The following GATM variants were observed in gnomAD, a reference collection of about 807,000 sequenced individuals.
The protein encoded by GATM is glycine amidinotransferase.
GATM carries 23 observed loss-of-function variants against 54.2 expected under a neutral mutation model. The ratio of observed to expected loss-of-function variants is 0.42; its 90% CI spans 0.31 to 0.60. GATM has a LOEUF of 0.60. Ranked by LOEUF, GATM falls within the 20% of genes least tolerant of loss-of-function variation. The pLI, the probability that GATM is intolerant of heterozygous loss-of-function variation, is 0.14. For synonymous variants in GATM, 168 were observed against 183.1 expected (o/e 0.92, Z 0.67); for missense variants, 401 against 544.9 (o/e 0.74, Z 2.63).
chr15:45,367,340 CA>C lies in GATM; in HGVS notation c.675+729del, dbSNP rs199666485. Among the ~76,000 whole-genome samples the C allele has an allele frequency of 3.0e-3, 420 of 138,716 alleles. 2 individuals are homozygous for C. The highest frequency in any genetic ancestry group is 7.0e-3 in the South Asian group (31 of 4,440). 91.0% of individuals were successfully genotyped at this position (138,716 alleles called of 152,430 possible). A position where few individuals can be genotyped will look rare whatever the true frequency, so the allele number is the denominator to read the frequency against. On this transcript the variant is annotated intron_variant, in intron 4 of 8. Transcript: ENST00000396659. ...TGGGTGACAGAGCAAGACTCCATCT[CA>C]AAAAAAAAAAAAAAGTGATACAGAG...
At chr15:45,374,030 G>T (rs2486274) in intron 2 of GATM, among the ~76,000 whole-genome samples, 85,264 of 152,146 alleles carry the variant, frequency 0.56, 27,378 homozygotes, top group East Asian at 0.91. Flanking sequence ...AAGTTGTTGT[G>T]TTGTCCTTTA....
At chr15:45,369,562 A>G in intron 2 of GATM, 41 bp from the exon 3 acceptor site, 1 of 1,563,702 alleles carries the variant, frequency 6.4e-7, no homozygotes, top group Non-Finnish European at 8.8e-7. Context: ...TACAGGAGAA[A>G]AATACAGCTC....
upstream of GATM, among the ~76,000 whole-genome samples, chr15:45,380,947 T>C (rs1291328085): frequency 6.6e-6 from 1 of 152,216 alleles, no homozygotes; most frequent in Non-Finnish European, 1.5e-5. Context: ...ACTACAATTA[T>C]ATTTTTTCAT....
intron 8 of GATM, among the ~76,000 whole-genome samples, chr15:45,362,483 T>C (rs964689144): frequency 1.6e-4 from 24 of 152,264 alleles, no homozygotes; most frequent in Non-Finnish European, 3.1e-4. Context: ...CAGATGTACC[T>C]ACCAAATGTT....
Position 45,383,873 on chromosome 15 carries a change from CTAA to C in GATM, c.-318-7057_-318-7055del, listed in dbSNP as rs202085662. Among the ~76,000 whole-genome samples the C allele has an allele frequency of 1.6e-3, 246 of 152,268 alleles. 1 individual carries two copies. Among genetic ancestry groups the C allele is most frequent in the African/African-American group, 5.5e-3 (227 of 41,558 alleles). On this transcript the variant is annotated intron_variant, in intron 3 of 4. Coordinates refer to the GATM transcript ENST00000561148. ...AATTAATTTTAAAATCATTTCTACT[CTAA>C]TAATAATAACTACTATTTACTGAGC...
rs1204672868 is a variant in GATM, at chr15:45,366,364, C to G, written c.813+7G>C. On this transcript the variant is annotated splice_region_variant and intron_variant, in intron 5 of 8. Coordinates refer to ENST00000396659, the MANE Select transcript of GATM (RefSeq NM_001482.3). ...AGTGTGAAATTTCAGAGGCAGCCTGCGTTCACCTGGCTTCTCTGTGCAAAA... is the reference window on the plus strand; with the variant it reads ...AGTGTGAAATTTCAGAGGCAGCCTGGGTTCACCTGGCTTCTCTGTGCAAAA... 6.2e-7 allele frequency: 1 copy of G among 1,613,974 alleles called. No individual in the cohort carries two copies. The highest frequency in any genetic ancestry group is 1.3e-5 in the African/African-American group (1 of 75,042).
rs1360265574 is a variant in GATM at position 45,378,368 on chromosome 15, G to A, written c.69+17C>T. On this transcript the variant is annotated intron_variant, in intron 1 of 8. Transcript: ENST00000396659. ...GTGAGTCACGCGGCCGCCAGACGAG[G>A]CCGGTGGCGCACGCACCCGAGATCC... The A allele has an allele frequency of 3.3e-6, 5 of 1,514,100 alleles. No homozygotes were observed. The highest frequency in any genetic ancestry group is 2.0e-4 in the Middle Eastern group (1 of 5,014). The allele number at this position is 1,514,100 out of a possible 1,614,324, so 93.8% of individuals were successfully genotyped here.
At chr15:45,379,567 G>A (rs913404036), upstream of GATM, 2 of 152,134 alleles carry the variant, frequency 1.3e-5, no homozygotes, top group African/African-American at 4.8e-5. Context: ...ACTACTATAT[G>A]TCTTCCTGAA....
At chr15:45,394,466 A>G (rs1298265927) in intron 3 of GATM, among the ~76,000 whole-genome samples, 1 of 152,240 alleles carries the variant, frequency 6.6e-6, no homozygotes, top group Non-Finnish European at 1.5e-5. Context: ...AATTAAGCCA[A>G]GTGCTAAAAA....
At chr15:45,370,004 T>A (rs1889513727) in intron 2 of GATM, among the ~76,000 whole-genome samples, 2 of 152,136 alleles carry the variant, frequency 1.3e-5, no homozygotes, top group Non-Finnish European at 2.9e-5. Flanking sequence ...CCTCAAGATA[T>A]TTTGTGAAGG....
intron 1 of GATM, chr15:45,401,912 G>C (rs1890019480): frequency 6.5e-6 from 1 of 154,954 alleles, no homozygotes; most frequent in Non-Finnish European, 1.4e-5. Context: ...AGGTCCCAAG[G>C]CTGTATTCTC....
chr15:45,400,507 A>T (rs1358957492), intron 1 of GATM, among the ~76,000 whole-genome samples: 1 of 152,212 alleles, frequency 6.6e-6, no homozygotes, highest in Non-Finnish European at 1.5e-5. Flanking sequence ...AAGTGAAATA[A>T]TATTTCCTGT....
At chr15:45,387,704 G>A (rs1889819299) in intron 3 of GATM, among the ~76,000 whole-genome samples, 1 of 152,070 alleles carries the variant, frequency 6.6e-6, no homozygotes, top group African/African-American at 2.4e-5. Context: ...TTTTCCCTTG[G>A]AATTTGTACC....
chr15:45,402,112 C>G (rs924929651), exon 1 of GATM: 12 of 365,128 alleles, frequency 3.3e-5, no homozygotes, highest in African/African-American at 2.6e-4. Context: ...ATATATGTAA[C>G]CACCAAAGTA....
intron 3 of GATM, among the ~76,000 whole-genome samples, chr15:45,392,713 A>G (rs1210738128): frequency 2.0e-5 from 3 of 152,212 alleles, no homozygotes; most frequent in Non-Finnish European, 4.4e-5. Context: ...GATCATCTTC[A>G]TATCTTCACA....
At chr15:45,371,660 TGGA>T (rs1279834842) in intron 2 of GATM, among the ~76,000 whole-genome samples, 1 of 152,212 alleles carries the variant, frequency 6.6e-6, no homozygotes, top group Non-Finnish European at 1.5e-5. Flanking sequence ...GCTAGCTATC[TGGA>T]CAAGCAGGAC....
rs865807587 is a variant in GATM, at chr15:45,371,886, C to T, written c.289-2365G>A. ...AGCTCTTTAATGTCAAAAACAATAT[C>T]TTTTCTAGATTTTGTGTCTCGACTT... On this transcript the variant is annotated intron_variant, in intron 2 of 8. Transcript: ENST00000396659. Among the ~76,000 whole-genome samples, 3 of 152,316 alleles carry T rather than the reference C, an allele frequency of 2.0e-5. No individual in the cohort carries two copies. The South Asian group carries it at 6.2e-4, about 32-fold the overall frequency.
intron 1 of GATM, chr15:45,377,624 C>T (rs1485131138): frequency 5.2e-6 from 1 of 190,788 alleles, no homozygotes; most frequent in African/African-American, 2.4e-5. Flanking sequence ...CTGTTAAAAG[C>T]CTTAGGAAGT....
chr15:45,396,395 G>A (rs994657615), intron 3 of GATM: 1 of 152,152 alleles, frequency 6.6e-6, no homozygotes, highest in Non-Finnish European at 1.5e-5. Context: ...TTCTTGGCTG[G>A]TTTAATATAG....
Sources: allele counts gnomAD v4.1 joint callset (sites outside exome capture counted in the v4.1 genomes callset), GRCh38; gene constraint gnomAD v4.1.1; transcripts MANE v1.5; gene names NCBI Gene and HGNC (gene_info 2026-07-23, HGNC 2026-07-21).